The following SENP1 variants were observed in gnomAD, a reference collection of about 807,000 sequenced individuals.
SENP1 encodes the protein sentrin-specific protease 1.
In SENP1, 21 loss-of-function variants were observed where a neutral mutation model predicts 93.0. The ratio of observed to expected loss-of-function variants is 0.23; its 90% confidence interval spans 0.16 to 0.33. SENP1 has a LOEUF of 0.33. Ranked by LOEUF, SENP1 falls within the 10% of genes least tolerant of loss-of-function variation. SENP1 has a pLI of 1.00. For missense variants in SENP1, 591 were observed against 758.7 expected, an observed-to-expected ratio of 0.78 and a Z score of 2.60; for synonymous variants, 256 against 259.6, an observed-to-expected ratio of 0.99 and a Z score of 0.13.
At chr12:48,050,747 A>G (rs1211072167) in intron 13 of SENP1, among the ~76,000 whole-genome samples, 1 of 152,230 alleles carries the variant, frequency 6.6e-6, no homozygotes, top group Admixed American at 6.5e-5. Context: ...CAGCAAGTAC[A>G]GATTTCTAGG....
chr12:48,078,910 G>A (rs961216962), intron 6 of SENP1, among the ~76,000 whole-genome samples: 1 of 152,118 alleles, frequency 6.6e-6, no homozygotes, highest in Non-Finnish European at 1.5e-5. Context: ...AACTCTTTGG[G>A]AAGCCAAGGC....
intron 13 of SENP1, among the ~76,000 whole-genome samples, chr12:48,051,858 G>C (rs1276199858): frequency 6.6e-6 from 1 of 152,200 alleles, no homozygotes. Context: ...AAAAGTAGAT[G>C]AGTCCTGTGC....
chr12:48,085,185 G>T lies in SENP1; in HGVS notation c.381-1423C>A, dbSNP rs1336887712. 1.1e-5 allele frequency: 16 copies of T among 1,468,154 alleles called. No homozygotes were observed. The East Asian group carries it at 3.6e-4, about 33-fold the overall frequency. The allele number at this position is 1,468,154 out of a possible 1,614,324, so 90.9% of individuals were successfully genotyped here. On this transcript the variant is annotated intron_variant, in intron 5 of 17. Transcript: ENST00000549518. Reference sequence around the variant, plus strand: ...CCCCAATTTCCTGGTGGTGGAGAAGGATACGACCATCAATGAGATCGAAGA... The same window carrying T: ...CCCCAATTTCCTGGTGGTGGAGAAGTATACGACCATCAATGAGATCGAAGA...
chr12:48,076,817 T>A (rs188284157), intron 6 of SENP1, among the ~76,000 whole-genome samples: 41 of 151,816 alleles, frequency 2.7e-4, no homozygotes, highest in African/African-American at 8.5e-4. Flanking sequence ...CATTTTTTTT[T>A]ATTATTTTTA....
intron 5 of SENP1, among the ~76,000 whole-genome samples, chr12:48,084,595 C>T (rs1264506898): frequency 2.6e-5 from 4 of 151,926 alleles, no homozygotes. Flanking sequence ...ATTACAGGCA[C>T]CCGCCGCCAC....
chr12:48,052,913 G>A (rs1030524912), intron 13 of SENP1, among the ~76,000 whole-genome samples: 2 of 152,086 alleles, frequency 1.3e-5, no homozygotes, highest in African/African-American at 2.4e-5. Context: ...CTACACGTAA[G>A]TGTACAGCAA....
At chr12:48,079,358 G>A (rs1368533387) in intron 6 of SENP1, among the ~76,000 whole-genome samples, 2 of 151,896 alleles carry the variant, frequency 1.3e-5, no homozygotes, top group Middle Eastern at 3.2e-3. Flanking sequence ...AATTAGCCCG[G>A]CACGGTGCTG....
intron 2 of SENP1, among the ~76,000 whole-genome samples, chr12:48,100,522 C>T (rs1945853066): frequency 6.6e-6 from 1 of 152,104 alleles, no homozygotes; most frequent in South Asian, 2.1e-4. Flanking sequence ...GTAATCCCAG[C>T]TACCTGGGAG....
rs1565797529 is a variant in SENP1, at chr12:48,088,962, TA to T, written c.221-3del. Reference sequence around the variant, plus strand: ...GAAAACTGTCTGAGGAAGGATTATCTAAAAAAATAAAAGTTTGAATAAATTA... The same window carrying T: ...GAAAACTGTCTGAGGAAGGATTATCTAAAAAATAAAAGTTTGAATAAATTA... On this transcript the variant is annotated splice_region_variant and splice_polypyrimidine_tract_variant and intron_variant, in intron 4 of 17. Coordinates refer to ENST00000549518, the MANE Select transcript of SENP1 (RefSeq NM_001267594.2). 1 of 1,569,590 alleles carries T rather than the reference TA, an allele frequency of 6.4e-7. No individual in the cohort carries two copies. Among genetic ancestry groups the T allele is most frequent in the East Asian group, 2.3e-5 (1 of 43,132 alleles).
At position 48,082,980 on chromosome 12, in the gene SENP1, G is replaced by A. The variant is rs142743354; in HGVS notation, c.552+611C>T. Among the ~76,000 whole-genome samples the A allele has an allele frequency of 3.3e-5, 5 of 152,210 alleles. No homozygotes were observed. In the East Asian group the frequency reaches 9.7e-4, roughly 29 times the overall value. On this transcript the variant is annotated intron_variant, in intron 6 of 17. Transcript: ENST00000549518. ...AGTGCAGTGACACAAAGCAAGTCGA[G>A]TGCAGCCTCGACCTCCTGGGCTCAA...
intron 4 of SENP1, among the ~76,000 whole-genome samples, chr12:48,091,323 G>A (rs971281354): frequency 3.9e-5 from 6 of 151,982 alleles, no homozygotes; most frequent in African/African-American, 1.2e-4. Context: ...GGTGGCACAC[G>A]TCTGTCGTCC....
At chr12:48,100,651 A>C (rs1239357450) in intron 2 of SENP1, among the ~76,000 whole-genome samples, 1 of 151,988 alleles carries the variant, frequency 6.6e-6, no homozygotes, top group East Asian at 1.9e-4. Context: ...AAAAAGAGAA[A>C]AAAAAAAAAA....
At chr12:48,096,220 G>C (rs1945546612) in intron 4 of SENP1, 123 bp downstream of exon 4, 1 of 578,152 alleles carries the variant, frequency 1.7e-6, no homozygotes, top group Non-Finnish European at 3.1e-6. Flanking sequence ...TGATGTTTTA[G>C]TGAAGAAAAT....
chr12:48,063,961 T>A, intron 12 of SENP1, 120 bp from the exon 13 acceptor site: 1 of 988,588 alleles, frequency 1.0e-6, no homozygotes, highest in Non-Finnish European at 1.4e-6. Context: ...TTTATAAATT[T>A]ACTGTTAATC....
rs752727836 is a variant in SENP1 at position 48,065,054 on chromosome 12, A to C, written c.1275+11T>G. 11 of 1,532,840 alleles carry C rather than the reference A, an allele frequency of 7.2e-6. No individual in the cohort carries two copies. The highest frequency in any genetic ancestry group is 9.9e-6 in the Non-Finnish European group (11 of 1,107,410). The allele number at this position is 1,532,840 out of a possible 1,614,324, so 95.0% of individuals were successfully genotyped here. A position where few individuals can be genotyped will look rare whatever the true frequency, so the allele number is the denominator to read the frequency against. On this transcript the variant is annotated intron_variant, in intron 12 of 17. Coordinates refer to ENST00000549518, the MANE Select transcript of SENP1 (RefSeq NM_001267594.2). ...ACTTAGTAGTGTAGAAATTAAGTGT[A>C]TGTAACTTACCTCTGTAATTTCAGG...
At chr12:48,074,639 A>C in intron 7 of SENP1, 32 bp from the exon 8 acceptor site, 1 of 1,607,126 alleles carries the variant, frequency 6.2e-7, no homozygotes, top group East Asian at 2.2e-5. Flanking sequence ...TTCAATATCA[A>C]GTAATAAATT....
At chr12:48,086,161 C>T (rs1565793348) in intron 5 of SENP1, among the ~76,000 whole-genome samples, 1 of 152,116 alleles carries the variant, frequency 6.6e-6, no homozygotes. Flanking sequence ...TCATTTGAAA[C>T]ATATGAAGTG....
chr12:48,086,869 T>C lies in SENP1; in HGVS notation c.380+1932A>G, dbSNP rs144162667. Among the ~76,000 whole-genome samples, 723 of 152,056 alleles carry C rather than the reference T, an allele frequency of 4.8e-3. 7 individuals carry two copies. The highest frequency in any genetic ancestry group is 0.016 in the African/African-American group (648 of 41,470). On this transcript the variant is annotated intron_variant, in intron 5 of 17. Transcript: ENST00000549518. ...GCCTTGCTAATATGGCGAAATGCCG[T>C]CTCTACTAAAAATACAAAAATTAGC...
intron 1 of SENP1, among the ~76,000 whole-genome samples, chr12:48,102,677 T>C (rs1409245834): frequency 6.6e-6 from 1 of 151,830 alleles, no homozygotes; most frequent in Admixed American, 6.6e-5. Flanking sequence ...GGCTGGATGA[T>C]GATAATAGGC....
Sources: gnomAD v4.1 joint callset for allele counts (sites outside exome capture counted in the v4.1 genomes callset) on GRCh38, gnomAD v4.1.1 for gene constraint, MANE v1.5 for transcripts, NCBI Gene and HGNC (gene_info 2026-07-23, HGNC 2026-07-21) for gene names.